DCUN1D3: variants seen among roughly 807,000 people sequenced by gnomAD.
DCUN1D3 encodes the protein DCN1-like protein 3.
DCUN1D3 carries 6 observed loss-of-function variants against 24.8 expected under a neutral mutation model. The ratio of observed to expected loss-of-function variants is 0.24; its 90% CI spans 0.13 to 0.48. The LOEUF is 0.48. DCUN1D3 is among the 20% of genes least tolerant of loss of function. The pLI is 0.99. For missense variants in DCUN1D3, 258 were observed against 379.4 expected, an observed-to-expected ratio of 0.68 and a Z score of 2.66; for synonymous variants, 120 against 144.9, an observed-to-expected ratio of 0.83 and a Z score of 1.24.
chr16:20,859,560 CA>C lies in DCUN1D3; in HGVS notation c.*325del, dbSNP rs1228222275. The C allele has an allele frequency of 8.1e-3, 702 of 86,150 alleles. 6 individuals are homozygous for C. The highest frequency in any genetic ancestry group is 0.031 in the African/African-American group (645 of 20,910). 5.3% of individuals were successfully genotyped at this position (86,150 alleles called of 1,614,324 possible). A position where few individuals can be genotyped will look rare whatever the true frequency, so the allele number is the denominator to read the frequency against. ...CCTACCAAAAAAAAAAAAAAAAAAACAAAAAAAAACAAAAAAAAAACCTAAA... is the reference window on the plus strand; with the variant it reads ...CCTACCAAAAAAAAAAAAAAAAAAACAAAAAAAACAAAAAAAAAACCTAAA... On this transcript the variant is annotated 3_prime_UTR_variant, in exon 3 of 3. Coordinates refer to ENST00000324344, the MANE Select transcript of DCUN1D3 (RefSeq NM_173475.4).
chr16:20,878,351 C>A (rs760684486), intron 1 of DCUN1D3, among the ~76,000 whole-genome samples: 15 of 152,166 alleles, frequency 9.9e-5, no homozygotes, highest in Non-Finnish European at 2.1e-4. Context: ...GGGAGATGTT[C>A]AACCTGTCAT....
In DCUN1D3 at chr16:20,856,199, T is replaced by G. The variant is rs1260271722; in HGVS notation, c.*3687A>C. On this transcript the variant is annotated 3_prime_UTR_variant, in exon 3 of 3. Coordinates refer to ENST00000324344, the MANE Select transcript of DCUN1D3 (RefSeq NM_173475.4). Reference sequence around the variant, plus strand: ...AAAGTAATTGTGGTTTTTGCCATACTTAATGGCAATACATTAAGTATGGCA... The same window carrying G: ...AAAGTAATTGTGGTTTTTGCCATACGTAATGGCAATACATTAAGTATGGCA... 1 of 152,172 alleles carries G rather than the reference T, an allele frequency of 6.6e-6. No homozygotes were observed. The highest frequency in any genetic ancestry group is 2.4e-5 in the African/African-American group (1 of 41,454). The allele number at this position is 152,172 out of a possible 1,614,324, so 9.4% of individuals were successfully genotyped here.
At chr16:20,896,202 G>C (rs766289406) in intron 1 of DCUN1D3, 1 of 152,024 alleles carries the variant, frequency 6.6e-6, no homozygotes, top group African/African-American at 2.4e-5. Context: ...CTTATGATGG[G>C]GTTATAAAAG....
rs1275663187 is a variant in DCUN1D3, at chr16:20,855,630, A to G, written c.*4256T>C. ...TTCTGCAACCAGTGCTCAAGAATCT[A>G]TTTCATCTTTCGAAAAGGGGGAAAA... On this transcript the variant is annotated 3_prime_UTR_variant, in exon 3 of 3. Coordinates refer to ENST00000324344, the MANE Select transcript of DCUN1D3 (RefSeq NM_173475.4). 1 of 152,132 alleles carries G rather than the reference A, an allele frequency of 6.6e-6. No individual in the cohort carries two copies. Among genetic ancestry groups the G allele is most frequent in the Non-Finnish European group, 1.5e-5 (1 of 68,038 alleles). 9.4% of individuals were successfully genotyped at this position (152,132 alleles called of 1,614,324 possible).
At position 20,856,567 on chromosome 16, in the gene DCUN1D3, C is replaced by T. The variant is rs2081703802; in HGVS notation, c.*3319G>A. ...GTTTGGTTAAAATTTAGATCTTCAC[C>T]CAGCTCTAGATTCATCTTCCCTTAT... On this transcript the variant is annotated 3_prime_UTR_variant, in exon 3 of 3. Transcript: ENST00000324344. 1 of 152,120 alleles carries T rather than the reference C, an allele frequency of 6.6e-6. No individual in the cohort carries two copies. Among genetic ancestry groups the T allele is most frequent in the Non-Finnish European group, 1.5e-5 (1 of 68,026 alleles). 9.4% of individuals were successfully genotyped at this position (152,120 alleles called of 1,614,324 possible). A position where few individuals can be genotyped will look rare whatever the true frequency, so the allele number is the denominator to read the frequency against.
At chr16:20,881,956 C>G (rs1030285694) in intron 1 of DCUN1D3, among the ~76,000 whole-genome samples, 8 of 152,110 alleles carry the variant, frequency 5.3e-5, no homozygotes, top group African/African-American at 1.9e-4. Flanking sequence ...GCGCATGGTA[C>G]CACGCCCAGC....
chr16:20,871,894 T>A (rs1189162763), intron 1 of DCUN1D3, among the ~76,000 whole-genome samples: 1 of 152,234 alleles, frequency 6.6e-6, no homozygotes, highest in Non-Finnish European at 1.5e-5. Flanking sequence ...CACACCAGCT[T>A]TTCCAGTGAC....
chr16:20,882,078 G>A (rs569776887), intron 1 of DCUN1D3, among the ~76,000 whole-genome samples: 3 of 152,068 alleles, frequency 2.0e-5, no homozygotes, highest in Admixed American at 2.0e-4. Flanking sequence ...TGGGATTACA[G>A]GCATGAGCCA....
chr16:20,874,929 C>T (rs1389289630), intron 1 of DCUN1D3, among the ~76,000 whole-genome samples: 3 of 151,842 alleles, frequency 2.0e-5, no homozygotes, highest in Non-Finnish European at 4.4e-5. Flanking sequence ...GAGCTCTATA[C>T]CTGTTGGAAG....
chr16:20,866,805 C>T (rs1486903428), intron 1 of DCUN1D3, among the ~76,000 whole-genome samples: 1 of 152,198 alleles, frequency 6.6e-6, no homozygotes, highest in Non-Finnish European at 1.5e-5. Context: ...AAGAAAATAT[C>T]TCCAGATCTG....
chr16:20,872,693 T>A (rs1411850753), intron 1 of DCUN1D3, among the ~76,000 whole-genome samples: 1 of 151,938 alleles, frequency 6.6e-6, no homozygotes, highest in South Asian at 2.1e-4. Context: ...AAGTATTACA[T>A]AATTATTTTG....
At position 20,862,513 on chromosome 16, in the gene DCUN1D3, T is replaced by C. The variant is rs1385099458; in HGVS notation, c.26A>G (p.Lys9Arg). MGQCVTKC[K>R]NPSSTLGSKN... ...GCTGCCCAGGGTCGATGAGGGATTCTTACACTTGGTGACACACTGGCCCAT... is the reference window on the plus strand; with the variant it reads ...GCTGCCCAGGGTCGATGAGGGATTCCTACACTTGGTGACACACTGGCCCAT... Residue 9 changes from lysine (K) to arginine (R), a missense_variant, in exon 2 of 3, where the codon AAG (lysine) becomes AGG (arginine). By Grantham distance (26) the Lys-to-Arg change is conservative. Transcript: ENST00000324344. The C allele has an allele frequency of 6.2e-7, 1 of 1,606,050 alleles. No homozygotes were observed. Among genetic ancestry groups the C allele is most frequent in the African/African-American group, 1.3e-5 (1 of 75,046 alleles).
chr16:20,897,175 T>C (rs912662857), intron 1 of DCUN1D3, among the ~76,000 whole-genome samples: 1 of 152,220 alleles, frequency 6.6e-6, no homozygotes, highest in Non-Finnish European at 1.5e-5. Flanking sequence ...AAGAACACAC[T>C]AGTCACTGTT....
intron 1 of DCUN1D3, among the ~76,000 whole-genome samples, chr16:20,892,087 G>A (rs1463189694): frequency 1.3e-5 from 2 of 152,124 alleles, no homozygotes; most frequent in Admixed American, 6.5e-5. Context: ...AGTGCTCTGG[G>A]AGTCTTTAGG....
At chr16:20,886,197 T>C (rs2081867575) in intron 1 of DCUN1D3, among the ~76,000 whole-genome samples, 1 of 152,174 alleles carries the variant, frequency 6.6e-6, no homozygotes, top group Non-Finnish European at 1.5e-5. Context: ...AAGTCTTTAT[T>C]TTTTTGCCTG....
chr16:20,860,864 C>G lies in DCUN1D3; in HGVS notation c.432-495G>C, dbSNP rs1419264193. ...CCTGAGTAATTCTACCACCAGAGAT[C>G]AAAATTCTATTATTAAAAAACAAAA... On this transcript the variant is annotated intron_variant, in intron 2 of 2. Transcript: ENST00000324344. The surrounding 1 kb of genome is among the most constrained non-coding windows in gnomAD (Gnocchi z 4.3). Among the ~76,000 whole-genome samples, 1 of 152,164 alleles carries G rather than the reference C, an allele frequency of 6.6e-6. No individual in the cohort carries two copies. Among genetic ancestry groups the G allele is most frequent in the Non-Finnish European group, 1.5e-5 (1 of 68,030 alleles).
chr16:20,865,953 T>C (rs1479649364), intron 1 of DCUN1D3, among the ~76,000 whole-genome samples: 1 of 152,216 alleles, frequency 6.6e-6, no homozygotes, highest in Non-Finnish European at 1.5e-5. Flanking sequence ...CAAAAATACA[T>C]GTCCAAACAT....
chr16:20,869,167 G>A lies in DCUN1D3; in HGVS notation c.-105-6524C>T, dbSNP rs546649055. On this transcript the variant is annotated intron_variant, in intron 1 of 2. Transcript: ENST00000324344. ...CCCTGGGTTGCTCTAGCTCCAAAGA[G>A]GGATCAGGAAGTTGTTCCCATCTCC... Among the ~76,000 whole-genome samples, 3 of 152,374 alleles carry A rather than the reference G, an allele frequency of 2.0e-5. No homozygotes were observed. In the South Asian group the frequency reaches 6.2e-4, roughly 32 times the overall value.
At chr16:20,894,233 C>T (rs904288251) in intron 1 of DCUN1D3, among the ~76,000 whole-genome samples, 2 of 152,186 alleles carry the variant, frequency 1.3e-5, no homozygotes, top group African/African-American at 4.8e-5. Context: ...CATGCCACTG[C>T]ATTCCAGCCT....
Sources: gnomAD v4.1 joint callset for allele counts (sites outside exome capture counted in the v4.1 genomes callset) on GRCh38, gnomAD v4.1.1 for gene constraint, Gnocchi (gnomAD v3.1) non-coding constraint, MANE v1.5 for transcripts, NCBI Gene and HGNC (gene_info 2026-07-23, HGNC 2026-07-21) for gene names.